ATL1: variants seen among roughly 807,000 people sequenced by gnomAD.
ATL1 encodes the protein atlastin GTPase 1, also known as atlastin-1.
In ATL1, 31 loss-of-function variants were observed where a neutral mutation model predicts 75.5. The ratio of observed to expected loss-of-function variants is 0.41; its 90% CI spans 0.31 to 0.55. The LOEUF is 0.55. ATL1 is among the 20% of genes least tolerant of loss of function. The pLI, the probability that ATL1 is intolerant of heterozygous loss-of-function variation, is 0.27. For missense variants in ATL1, 405 were observed against 662.6 expected (o/e 0.61, Z 4.27); for synonymous variants, 226 against 233.3 (o/e 0.97, Z 0.28).
intron 11 of ATL1, among the ~76,000 whole-genome samples, chr14:50,626,862 T>C (rs1366797074): frequency 1.3e-5 from 2 of 152,198 alleles, no homozygotes; most frequent in African/African-American, 4.8e-5. Context: ...CTAACTGCTT[T>C]ATTTGTACCC....
At chr14:50,600,629 TA>T (rs2039263106) in intron 6 of ATL1, among the ~76,000 whole-genome samples, 1 of 152,194 alleles carries the variant, frequency 6.6e-6, no homozygotes, top group Non-Finnish European at 1.5e-5. Context: ...AATTGCAAAG[TA>T]AAATAACTTC....
intron 1 of ATL1, among the ~76,000 whole-genome samples, chr14:50,564,541 C>T (rs1466570119): frequency 1.4e-5 from 2 of 146,100 alleles, no homozygotes; most frequent in Admixed American, 7.0e-5. Flanking sequence ...CCCAGCTACT[C>T]GGGAGGCTGA....
chr14:50,574,933 G>GTATATATA (rs1247422328), intron 1 of ATL1, among the ~76,000 whole-genome samples: 13 of 45,970 alleles, frequency 2.8e-4, no homozygotes, highest in African/African-American at 8.0e-4. Flanking sequence ...GTGTGTGTGT[G>GTATATATA]TGTGTATATA....
In ATL1 at chr14:50,595,496, T is replaced by C. The variant is rs1388195875; in HGVS notation, c.574-80T>C. 3 of 1,338,446 alleles carry C rather than the reference T, an allele frequency of 2.2e-6. No individual in the cohort carries two copies. In the East Asian group the frequency reaches 6.9e-5, roughly 31 times the overall value. 82.9% of individuals were successfully genotyped at this position (1,338,446 alleles called of 1,614,324 possible). ...AAGTAAATGAAAGAAAGCCAAGAAT[T>C]AAAACTTTGCAGGTGCTAAAGTTCT... On this transcript the variant is annotated intron_variant, in intron 5 of 13. Transcript: ENST00000358385.
At chr14:50,535,473 C>T (rs766738686) in intron 1 of ATL1, among the ~76,000 whole-genome samples, 7 of 152,060 alleles carry the variant, frequency 4.6e-5, no homozygotes, top group Admixed American at 2.0e-4. Context: ...CAACATGTAA[C>T]TCTATGATTC....
At chr14:50,630,145 G>T (rs1314735006) in intron 13 of ATL1, 136 bp downstream of exon 13, 4 of 553,642 alleles carry the variant, frequency 7.2e-6, no homozygotes, top group Non-Finnish European at 1.2e-5. Context: ...ATTTAAATTT[G>T]TAATTGTGAA....
chr14:50,623,353 G>A (rs943087718), intron 11 of ATL1, 105 bp downstream of exon 11: 4 of 904,630 alleles, frequency 4.4e-6, no homozygotes, highest in African/African-American at 3.3e-5. Context: ...ATGCAATGAG[G>A]TGGCTTTGAC....
chr14:50,591,262 G>A (rs940483666), intron 3 of ATL1, among the ~76,000 whole-genome samples, 187 bp downstream of exon 3: 5 of 152,130 alleles, frequency 3.3e-5, no homozygotes, highest in African/African-American at 7.2e-5. Flanking sequence ...AAATTATAAC[G>A]ATGATAGAAC....
chr14:50,594,717 G>T (rs568637745), intron 5 of ATL1, among the ~76,000 whole-genome samples: 1 of 152,278 alleles, frequency 6.6e-6, no homozygotes, highest in East Asian at 1.9e-4. Context: ...CTCCAGGGCC[G>T]GGTGCAGTGG....
intron 13 of ATL1, among the ~76,000 whole-genome samples, chr14:50,630,548 A>C (rs895639745): frequency 6.6e-6 from 1 of 152,216 alleles, no homozygotes; most frequent in Non-Finnish European, 1.5e-5. Context: ...GCAACACTAC[A>C]TATCTCAGAA....
chr14:50,602,965 A>C (rs2039284985), intron 6 of ATL1, among the ~76,000 whole-genome samples: 1 of 152,178 alleles, frequency 6.6e-6, no homozygotes, highest in South Asian at 2.1e-4. Context: ...CACATATTTG[A>C]GGACAGATTT....
chr14:50,549,208 G>A (rs1437533450), intron 1 of ATL1, among the ~76,000 whole-genome samples: 2 of 152,080 alleles, frequency 1.3e-5, no homozygotes, highest in Non-Finnish European at 2.9e-5. Context: ...TACATTGATG[G>A]GTCTAGCAAA....
intron 11 of ATL1, among the ~76,000 whole-genome samples, chr14:50,627,065 A>G (rs1157964720): frequency 2.6e-5 from 4 of 152,234 alleles, no homozygotes; most frequent in Non-Finnish European, 4.4e-5. Flanking sequence ...CATGAAAGGA[A>G]GTCTATCAAT....
intron 8 of ATL1, among the ~76,000 whole-genome samples, 162 bp downstream of exon 8, chr14:50,614,673 T>C (rs2039398007): frequency 6.6e-6 from 1 of 152,200 alleles, no homozygotes; most frequent in African/African-American, 2.4e-5. Flanking sequence ...GTGCTCCTCC[T>C]TGGTGAACTG....
intron 6 of ATL1, among the ~76,000 whole-genome samples, chr14:50,603,833 A>G (rs747809508): frequency 1.4e-4 from 21 of 152,152 alleles, no homozygotes; most frequent in Non-Finnish European, 2.9e-4. Flanking sequence ...AAGACAGCTG[A>G]GGAAGTTATC....
chr14:50,544,735 A>T (rs944576313), intron 1 of ATL1, among the ~76,000 whole-genome samples: 1 of 151,898 alleles, frequency 6.6e-6, no homozygotes, highest in Non-Finnish European at 1.5e-5. Flanking sequence ...GGAGTTTGAG[A>T]CCAGCCTGGG....
At chr14:50,561,726 G>A (rs142446221) in intron 1 of ATL1, among the ~76,000 whole-genome samples, 1 of 152,194 alleles carries the variant, frequency 6.6e-6, no homozygotes, top group Non-Finnish European at 1.5e-5. Flanking sequence ...AAGAGAAAGT[G>A]GTTCCATTTT....
At chr14:50,546,143 AG>A (rs750575946) in intron 1 of ATL1, among the ~76,000 whole-genome samples, 3 of 152,372 alleles carry the variant, frequency 2.0e-5, no homozygotes, top group Admixed American at 6.5e-5. Context: ...AAGAAAAAAA[AG>A]AGGGTAAAAG....
intron 1 of ATL1, among the ~76,000 whole-genome samples, chr14:50,544,303 T>C (rs2038600972): frequency 1.3e-5 from 2 of 152,198 alleles, no homozygotes; most frequent in South Asian, 4.1e-4. Flanking sequence ...ACTACCCTCT[T>C]TTCTCTGTCC....
Sources: allele counts gnomAD v4.1 joint callset (sites outside exome capture counted in the v4.1 genomes callset), GRCh38; gene constraint gnomAD v4.1.1; transcripts MANE v1.5; gene names NCBI Gene and HGNC (gene_info 2026-07-23, HGNC 2026-07-21).